Variants in PIK3AP1 observed in about 807,000 individuals in gnomAD.
PIK3AP1 encodes the protein phosphoinositide 3-kinase adapter protein 1.
In PIK3AP1, 21 loss-of-function variants were observed where a neutral mutation model predicts 88.1. The ratio of observed to expected loss-of-function variants is 0.24; its 90% CI spans 0.17 to 0.34. The LOEUF (loss-of-function observed/expected upper bound fraction) is 0.34. Ranked by LOEUF, PIK3AP1 falls within the 10% of genes least tolerant of loss-of-function variation. The probability of loss-of-function intolerance (pLI) is 1.00; values close to 1 mark genes in which losing one functional copy is unlikely to be tolerated. For synonymous variants in PIK3AP1, 398 were observed against 400.0 expected (o/e 1.00, Z 0.06); for missense variants, 828 against 1,035.7 (o/e 0.80, Z 2.75).
chr10:96,612,457 C>T (rs1849130722), intron 13 of PIK3AP1, among the ~76,000 whole-genome samples: 1 of 152,142 alleles, frequency 6.6e-6, no homozygotes, highest in Non-Finnish European at 1.5e-5. Flanking sequence ...AATGAATAGT[C>T]AGTCATTGTG....
intron 2 of PIK3AP1, among the ~76,000 whole-genome samples, chr10:96,706,265 A>T (rs1231322207): frequency 6.6e-6 from 1 of 152,124 alleles, no homozygotes; most frequent in African/African-American, 2.4e-5. Flanking sequence ...TCATGTACTT[A>T]TTTCTCATGG....
Position 96,632,905 on chromosome 10 carries a change from T to G in PIK3AP1, c.1376-4412A>C, listed in dbSNP as rs761818883. 10 of 1,612,590 alleles carry G rather than the reference T, an allele frequency of 6.2e-6. No homozygotes were observed. The East Asian group carries it at 2.2e-4, about 36-fold the overall frequency. On this transcript the variant is annotated intron_variant, in intron 8 of 16. Coordinates refer to ENST00000339364, the MANE Select transcript of PIK3AP1 (RefSeq NM_152309.3). ...AGACTCACAAGATGACCCTGGGACA[T>G]GCTTGGCACCAGTCCACTCACAAAG...
chr10:96,608,238 T>C (rs569882442), intron 14 of PIK3AP1, among the ~76,000 whole-genome samples: 2 of 152,222 alleles, frequency 1.3e-5, no homozygotes, highest in Non-Finnish European at 2.9e-5. Flanking sequence ...GTTCTCACCC[T>C]GAGAGGGTTC....
chr10:96,704,120 CAG>C (rs944274091), intron 2 of PIK3AP1, among the ~76,000 whole-genome samples: 4 of 152,104 alleles, frequency 2.6e-5, no homozygotes, highest in African/African-American at 9.7e-5. Context: ...TAAAAACTGC[CAG>C]AGTGAACGCA....
chr10:96,649,338 C>T (rs1017280346), intron 6 of PIK3AP1, among the ~76,000 whole-genome samples: 1 of 152,126 alleles, frequency 6.6e-6, no homozygotes, highest in Non-Finnish European at 1.5e-5. Context: ...GCCACCATAC[C>T]CGGCCATAAC....
chr10:96,644,951 T>C (rs7904212), intron 8 of PIK3AP1, among the ~76,000 whole-genome samples: 65,573 of 151,938 alleles, frequency 0.43, 14,715 homozygotes, highest in East Asian at 0.6. Context: ...TGTCAGTCAA[T>C]GTTTGAAGCC....
At chr10:96,657,735 A>G (rs1843634262) in intron 2 of PIK3AP1, among the ~76,000 whole-genome samples, 1 of 152,136 alleles carries the variant, frequency 6.6e-6, no homozygotes, top group Admixed American at 6.5e-5. Context: ...CAAAGCATTC[A>G]TCAGATCCCC....
chr10:96,607,289 C>G (rs746601629), intron 14 of PIK3AP1, among the ~76,000 whole-genome samples: 50 of 152,200 alleles, frequency 3.3e-4, no homozygotes, highest in Non-Finnish European at 1.3e-4. Context: ...TCCAGACCCC[C>G]TGCTTGCTTG....
chr10:96,699,053 G>A lies in PIK3AP1; in HGVS notation c.430+10514C>T, dbSNP rs566337831. Among the ~76,000 whole-genome samples the A allele has an allele frequency of 1.4e-4, 21 of 151,956 alleles. No individual in the cohort carries two copies. In the South Asian group the frequency reaches 2.5e-3, roughly 18 times the overall value. On this transcript the variant is annotated intron_variant, in intron 2 of 16. Coordinates refer to ENST00000339364, the MANE Select transcript of PIK3AP1 (RefSeq NM_152309.3). Reference sequence around the variant, plus strand: ...CACAAAATTAGCCAGGCGTGGTGGCGCACACCTGTAATCCCAGCTACTTGG... The same window carrying A: ...CACAAAATTAGCCAGGCGTGGTGGCACACACCTGTAATCCCAGCTACTTGG...
chr10:96,648,717 T>C lies in PIK3AP1; in HGVS notation c.1127A>G (p.Asn376Ser). 1 of 1,610,788 alleles carries C rather than the reference T, an allele frequency of 6.2e-7. No homozygotes were observed. The highest frequency in any genetic ancestry group is 8.5e-7 in the Non-Finnish European group (1 of 1,178,758). ...SVANKHGHYP[N>S]TIAEKHGFRD... ...GAAGCCGTGTTTCTCAGCGATGGTG[T>C]TGGGGTAGTGGCCATGCTTGTTGGC... is the stretch of plus-strand genomic sequence containing the variant. The change falls in exon 7 of 17, where the codon AAC (asparagine) becomes AGC (serine). Residue 376 changes from asparagine (N) to serine (S), a missense_variant. By Grantham distance (46) the Asn-to-Ser change is conservative. Around this residue, in one of 3 missense-constraint regions of PIK3AP1, gnomAD observed 610 missense variants for 760.1 expected, o/e 0.80. Transcript: ENST00000339364.
At chr10:96,700,161 G>C (rs558350345) in intron 2 of PIK3AP1, among the ~76,000 whole-genome samples, 103 of 152,268 alleles carry the variant, frequency 6.8e-4, no homozygotes, top group African/African-American at 2.2e-3. Context: ...GTTGACATAG[G>C]GACTTGCAGA....
chr10:96,656,978 G>A (rs760005892), intron 2 of PIK3AP1, 44 bp from the exon 3 acceptor site: 2 of 1,594,954 alleles, frequency 1.3e-6, no homozygotes, highest in South Asian at 2.2e-5. Context: ...GCAGGAAGGA[G>A]AACTGTGGAC....
intron 6 of PIK3AP1, among the ~76,000 whole-genome samples, chr10:96,649,337 C>T (rs1843505920): frequency 6.6e-6 from 1 of 152,188 alleles, no homozygotes; most frequent in Admixed American, 6.5e-5. Context: ...AGCCACCATA[C>T]CCGGCCATAA....
chr10:96,612,974 A>ATTTTTT (rs1849145756), intron 13 of PIK3AP1, among the ~76,000 whole-genome samples: 1 of 84,870 alleles, frequency 1.2e-5, no homozygotes, highest in Admixed American at 1.6e-4. Context: ...ATATATATAT[A>ATTTTTT]TATATATATT....
At chr10:96,690,127 T>C (rs577145817) in intron 2 of PIK3AP1, among the ~76,000 whole-genome samples, 91 of 152,348 alleles carry the variant, frequency 6.0e-4, no homozygotes, top group African/African-American at 2.2e-3. Flanking sequence ...TGTATCTCCT[T>C]GGTATTTTCT....
At chr10:96,685,639 C>T (rs1452014970) in intron 2 of PIK3AP1, among the ~76,000 whole-genome samples, 1 of 152,198 alleles carries the variant, frequency 6.6e-6, no homozygotes. Context: ...CCCCATAACC[C>T]AGAGCTGGTG....
chr10:96,611,237 G>A (rs1054312095), intron 13 of PIK3AP1, among the ~76,000 whole-genome samples: 3 of 152,202 alleles, frequency 2.0e-5, no homozygotes, highest in African/African-American at 7.2e-5. Flanking sequence ...CAGGTGTAGT[G>A]TATGGTCCAA....
At chr10:96,718,822 G>A (rs1844535978) in intron 1 of PIK3AP1, among the ~76,000 whole-genome samples, 1 of 152,082 alleles carries the variant, frequency 6.6e-6, no homozygotes, top group Non-Finnish European at 1.5e-5. Flanking sequence ...CGGCTTCACT[G>A]GTTTATTATC....
rs1048422714 is a variant in PIK3AP1, at chr10:96,600,390, A to G, written c.2360+1890T>C. ...ATCACTGCTCTTGGTAAGCCCTCCAATCACCAACTATGTGATAATTTTCAA... is the reference window on the plus strand; with the variant it reads ...ATCACTGCTCTTGGTAAGCCCTCCAGTCACCAACTATGTGATAATTTTCAA... On this transcript the variant is annotated intron_variant, in intron 16 of 16. Coordinates refer to ENST00000339364, the MANE Select transcript of PIK3AP1 (RefSeq NM_152309.3). Among the ~76,000 whole-genome samples, 10 of 152,212 alleles carry G rather than the reference A, an allele frequency of 6.6e-5. No individual in the cohort carries two copies. In the East Asian group the frequency reaches 1.5e-3, roughly 23 times the overall value.
Sources: gnomAD v4.1 joint callset for allele counts (sites outside exome capture counted in the v4.1 genomes callset) on GRCh38, gnomAD v4.1.1 for gene constraint, gnomAD v4.1.1 regional missense constraint, MANE v1.5 for transcripts, NCBI Gene and HGNC (gene_info 2026-07-23, HGNC 2026-07-21) for gene names.